Variants in PRKCB observed in about 807,000 individuals in gnomAD.
PRKCB encodes the protein protein kinase C beta type.
Under a neutral mutation model 81.5 loss-of-function variants are expected in PRKCB, and 13 were observed. That is an observed-to-expected ratio of 0.16 (90% confidence interval 0.10 to 0.25). The LOEUF is 0.25. Among genes scored for constraint, PRKCB ranks in the 10% least tolerant of loss-of-function variants. The pLI is 1.00. For missense variants in PRKCB, 509 were observed against 875.7 expected (o/e 0.58, Z 5.29); for synonymous variants, 335 against 321.4 (o/e 1.04, Z -0.45).
intron 5 of PRKCB, among the ~76,000 whole-genome samples, chr16:24,052,309 G>T (rs1965852860): frequency 6.6e-6 from 1 of 152,178 alleles, no homozygotes; most frequent in African/African-American, 2.4e-5. Flanking sequence ...CAGGTCCCCA[G>T]AGAATGCTGG....
intron 16 of PRKCB, among the ~76,000 whole-genome samples, chr16:24,194,538 A>C (rs922076145): frequency 5.3e-5 from 8 of 152,178 alleles, no homozygotes; most frequent in African/African-American, 1.9e-4. Flanking sequence ...ATCTGTTAGC[A>C]ATGGTTATTT....
intron 3 of PRKCB, among the ~76,000 whole-genome samples, chr16:24,030,254 CA>C (rs921154335): frequency 5.3e-5 from 8 of 152,148 alleles, no homozygotes; most frequent in Non-Finnish European, 1.0e-4. Flanking sequence ...GAACTAAAAC[CA>C]ATTCTGTGAG....
At chr16:24,202,989 G>C (rs1415226252) in intron 16 of PRKCB, 1 of 152,162 alleles carries the variant, frequency 6.6e-6, no homozygotes, top group African/African-American at 2.4e-5. Flanking sequence ...GGTTAACATG[G>C]GCAGATCACT....
At position 24,122,468 on chromosome 16, in the gene PRKCB, T is replaced by TTTTTTTC. The variant is rs1555498212; in HGVS notation, c.919-1367_919-1366insTTTTTTC. ...ACGAGGCTTTTTTTTTTTTTTTTTT[T>TTTTTTTC]AGTGAGAGAGAGATGGGATCTCACT... On this transcript the variant is annotated intron_variant, in intron 8 of 16. Coordinates refer to ENST00000643927, the MANE Select transcript of PRKCB (RefSeq NM_002738.7). Among the ~76,000 whole-genome samples, 1,070 of 138,922 alleles carry TTTTTTTC rather than the reference T, an allele frequency of 7.7e-3. 118 individuals carry two copies. Among genetic ancestry groups the TTTTTTTC allele is most frequent in the African/African-American group, 0.032 (978 of 30,282 alleles). The allele number at this position is 138,922 out of a possible 152,430, so 91.1% of individuals were successfully genotyped here. A position where few individuals can be genotyped will look rare whatever the true frequency, so the allele number is the denominator to read the frequency against.
chr16:23,846,482 T>C (rs1298451579), intron 2 of PRKCB, among the ~76,000 whole-genome samples: 4 of 151,754 alleles, frequency 2.6e-5, no homozygotes, highest in Non-Finnish European at 1.5e-5. Context: ...TGGTGGCATG[T>C]GCTTGTAGTC....
intron 7 of PRKCB, among the ~76,000 whole-genome samples, chr16:24,105,039 A>G (rs1029751018): frequency 6.8e-5 from 10 of 147,894 alleles, no homozygotes; most frequent in Non-Finnish European, 7.4e-5. Flanking sequence ...TTGTGTAACA[A>G]GCGGCACGTT....
At chr16:24,031,992 C>A in intron 3 of PRKCB, 144 bp from the exon 4 acceptor site, 1 of 578,510 alleles carries the variant, frequency 1.7e-6, no homozygotes, top group Admixed American at 3.0e-5. Flanking sequence ...GGGCACAGGG[C>A]TCCAGCGATG....
At chr16:24,156,610 A>C (rs1370028860) in intron 10 of PRKCB, among the ~76,000 whole-genome samples, 1 of 152,208 alleles carries the variant, frequency 6.6e-6, no homozygotes, top group Non-Finnish European at 1.5e-5. Context: ...TTTGAGTGGA[A>C]GAAGAGACAA....
intron 3 of PRKCB, among the ~76,000 whole-genome samples, chr16:23,992,380 A>G (rs1244992528): frequency 2.6e-5 from 4 of 152,180 alleles, no homozygotes; most frequent in Admixed American, 2.6e-4. Flanking sequence ...TAATTACCCT[A>G]TTTCTAGTAG....
chr16:24,099,990 A>G (rs1182704206), intron 7 of PRKCB: 1 of 141,086 alleles, frequency 7.1e-6, no homozygotes, highest in Admixed American at 7.1e-5. Flanking sequence ...AAAAAAAAAA[A>G]GAGTGTTTAA....
intron 2 of PRKCB, among the ~76,000 whole-genome samples, chr16:23,846,758 AGAAGGGAAGTTCAG>A (rs1395701139): frequency 6.6e-6 from 1 of 152,034 alleles, no homozygotes; most frequent in East Asian, 1.9e-4. Context: ...TTGTGAACAG[AGAAGGGAAGTTCAG>A]TGTCTTTCCT....
intron 5 of PRKCB, among the ~76,000 whole-genome samples, chr16:24,069,037 G>A (rs1440361317): frequency 6.6e-6 from 1 of 152,156 alleles, no homozygotes; most frequent in Non-Finnish European, 1.5e-5. Flanking sequence ...ACATTCCTAT[G>A]AGCCAACATC....
chr16:24,175,441 C>T (rs1042238238), intron 12 of PRKCB, among the ~76,000 whole-genome samples: 4 of 151,704 alleles, frequency 2.6e-5, no homozygotes, highest in Non-Finnish European at 4.4e-5. Flanking sequence ...AACCCCTTGC[C>T]CCCGTGGAGT....
chr16:23,914,473 G>T (rs991107699), intron 2 of PRKCB, among the ~76,000 whole-genome samples: 1 of 152,176 alleles, frequency 6.6e-6, no homozygotes, highest in African/African-American at 2.4e-5. Context: ...GTGAGCATCT[G>T]GGAGAGGCAG....
chr16:24,185,756 A>G (rs1287508562), intron 15 of PRKCB, among the ~76,000 whole-genome samples, 189 bp downstream of exon 15: 1 of 152,204 alleles, frequency 6.6e-6, no homozygotes, highest in Non-Finnish European at 1.5e-5. Flanking sequence ...TCTGATTTGC[A>G]CAGAAGTGCT....
chr16:24,095,968 G>C (rs1966433666), intron 7 of PRKCB, among the ~76,000 whole-genome samples: 1 of 152,106 alleles, frequency 6.6e-6, no homozygotes, highest in Admixed American at 6.6e-5. Context: ...GCTTTATGAA[G>C]GTAGTTTAGT....
At chr16:24,060,467 C>T (rs1157574027) in intron 5 of PRKCB, among the ~76,000 whole-genome samples, 2 of 152,178 alleles carry the variant, frequency 1.3e-5, no homozygotes, top group African/African-American at 4.8e-5. Flanking sequence ...GAACTTCCTC[C>T]CTTATGCATG....
chr16:24,128,824 G>T (rs1966848923), intron 9 of PRKCB, among the ~76,000 whole-genome samples: 1 of 152,180 alleles, frequency 6.6e-6, no homozygotes, highest in Non-Finnish European at 1.5e-5. Context: ...GTGCTTAATG[G>T]TGCTTAGAAT....
At chr16:24,110,243 G>C (rs1367746700) in intron 7 of PRKCB, among the ~76,000 whole-genome samples, 1 of 151,376 alleles carries the variant, frequency 6.6e-6, no homozygotes, top group South Asian at 2.1e-4. Flanking sequence ...ACGGTGTCTC[G>C]CTCTGTTGCC....
Sources: gnomAD v4.1 joint callset for allele counts (sites outside exome capture counted in the v4.1 genomes callset) on GRCh38, gnomAD v4.1.1 for gene constraint, MANE v1.5 for transcripts, NCBI Gene and HGNC (gene_info 2026-07-23, HGNC 2026-07-21) for gene names.